GRM5: variants seen among roughly 807,000 people sequenced by gnomAD.
The protein encoded by GRM5 is glutamate metabotropic receptor 5.
In GRM5, 19 loss-of-function variants were observed where a neutral mutation model predicts 83.1. That is an observed-to-expected ratio of 0.23 (90% CI 0.16 to 0.34). The LOEUF is 0.34. Among genes scored for constraint, GRM5 ranks in the 10% least tolerant of loss-of-function variants. GRM5 has a pLI of 1.00. For missense variants in GRM5, 1,160 were observed against 1,588.3 expected, an observed-to-expected ratio of 0.73 and a Z score of 4.58; for synonymous variants, 675 against 633.6, an observed-to-expected ratio of 1.07 and a Z score of -0.98.
chr11:88,508,688 G>A lies in GRM5; in HGVS notation c.3543C>T (p.Asn1181=). 1 of 1,606,670 alleles carries A rather than the reference G, an allele frequency of 6.2e-7. No homozygotes were observed. The highest frequency in any genetic ancestry group is 8.5e-7 in the Non-Finnish European group (1 of 1,176,704). ...AGAGGGCCGACTCGGACACTGGCGA[G>A]TTGGGGGTTGTGCTCCCCGAGTCCA... ...DSVDSGSTTP[N]SPVSESALCI... Residue 1181 remains asparagine, a synonymous_variant, in exon 10 of 10, where the codon AAC becomes AAT. Coordinates refer to ENST00000305447, the MANE Select transcript of GRM5 (RefSeq NM_001143831.3). This position sits in a 1 kb window ranked among gnomAD's most constrained non-coding sequence, Gnocchi z 4.2.
intron 3 of GRM5, among the ~76,000 whole-genome samples, chr11:88,711,973 C>T (rs1041445845): frequency 3.9e-5 from 6 of 152,024 alleles, no homozygotes; most frequent in African/African-American, 1.4e-4. Flanking sequence ...CATTATGTCT[C>T]GTTCATTTTG....
rs201909095 is a variant in GRM5, at chr11:88,508,549, G to C, written c.*43C>G. On this transcript the variant is annotated 3_prime_UTR_variant, in exon 10 of 10. Transcript: ENST00000305447. This position sits in a 1 kb window ranked among gnomAD's most constrained non-coding sequence, Gnocchi z 4.2. ...CATTGTGTGTGTGTGAACACGGGGG[G>C]CTCCGCTCCGCACGCGCAGGCCGGC... is the stretch of plus-strand genomic sequence containing the variant. The C allele has an allele frequency of 1.1e-5, 17 of 1,518,768 alleles. No homozygotes were observed. The highest frequency in any genetic ancestry group is 1.5e-5 in the Non-Finnish European group (16 of 1,101,172). 94.1% of individuals were successfully genotyped at this position (1,518,768 alleles called of 1,614,324 possible).
At chr11:88,988,203 C>T (rs7114534) in intron 2 of GRM5, among the ~76,000 whole-genome samples, 12,553 of 151,864 alleles carry the variant, frequency 0.083, 1,681 homozygotes, top group African/African-American at 0.28. Context: ...TCGAGAACTA[C>T]GCGAAGAATG....
intron 2 of GRM5, among the ~76,000 whole-genome samples, chr11:88,929,427 A>G (rs1937636337): frequency 6.6e-6 from 1 of 152,116 alleles, no homozygotes; most frequent in African/African-American, 2.4e-5. Context: ...TTTAATTGGG[A>G]AATTTAGTTT....
chr11:88,900,082 T>C (rs1428780246), intron 2 of GRM5, among the ~76,000 whole-genome samples: 1 of 152,140 alleles, frequency 6.6e-6, no homozygotes. Flanking sequence ...CTGGTAATTA[T>C]TTATGGGTAC....
intron 3 of GRM5, among the ~76,000 whole-genome samples, chr11:88,737,732 C>T (rs1941948666): frequency 6.6e-6 from 1 of 152,028 alleles, no homozygotes; most frequent in Non-Finnish European, 1.5e-5. Flanking sequence ...TAAGCAGGCT[C>T]ATCTTGGCCA....
At chr11:88,993,603 G>C (rs923324363) in intron 2 of GRM5, among the ~76,000 whole-genome samples, 2 of 152,118 alleles carry the variant, frequency 1.3e-5, no homozygotes, top group African/African-American at 4.8e-5. Flanking sequence ...AAGACAAACT[G>C]TTTCTGTGTA....
intron 6 of GRM5, among the ~76,000 whole-genome samples, chr11:88,592,340 T>C (rs960212715): frequency 3.3e-5 from 5 of 152,212 alleles, no homozygotes; most frequent in African/African-American, 1.2e-4. Context: ...ATGTTACCTA[T>C]TTCATTAATA....
intron 2 of GRM5, chr11:89,008,910 C>A: frequency 2.0e-6 from 1 of 512,452 alleles, no homozygotes; most frequent in Non-Finnish European, 3.6e-6. Flanking sequence ...TCTGTTATTC[C>A]TTTAGTTTGT....
chr11:89,017,175 A>G (rs1404268980), intron 2 of GRM5, among the ~76,000 whole-genome samples: 1 of 152,198 alleles, frequency 6.6e-6, no homozygotes, highest in Non-Finnish European at 1.5e-5. Flanking sequence ...GAAATTCATC[A>G]GTGCATCCTT....
At chr11:88,965,587 C>A (rs991366744) in intron 2 of GRM5, among the ~76,000 whole-genome samples, 2 of 151,962 alleles carry the variant, frequency 1.3e-5, no homozygotes, top group African/African-American at 2.4e-5. Flanking sequence ...ACACACAAAC[C>A]AAACAAAGGA....
chr11:88,585,396 A>G (rs1943292326), intron 7 of GRM5, among the ~76,000 whole-genome samples: 1 of 152,268 alleles, frequency 6.6e-6, no homozygotes, highest in Non-Finnish European at 1.5e-5. Context: ...AGTGCTAGAT[A>G]CACATTTATT....
At chr11:88,998,675 T>C (rs1591034908) in intron 2 of GRM5, among the ~76,000 whole-genome samples, 1 of 152,294 alleles carries the variant, frequency 6.6e-6, no homozygotes, top group Non-Finnish European at 1.5e-5. Context: ...GCAGTCTAAA[T>C]AGATAATCCC....
At chr11:88,525,752 T>C (rs1179566632) in intron 8 of GRM5, among the ~76,000 whole-genome samples, 1 of 152,254 alleles carries the variant, frequency 6.6e-6, no homozygotes, top group Non-Finnish European at 1.5e-5. Context: ...ATCTATTCAG[T>C]GCTTACCATG....
chr11:88,769,753 TA>T (rs1942693450), intron 3 of GRM5, among the ~76,000 whole-genome samples: 1 of 152,088 alleles, frequency 6.6e-6, no homozygotes, highest in South Asian at 2.1e-4. Flanking sequence ...CTGATGTGAA[TA>T]AAAAATCGAA....
chr11:88,976,607 G>T (rs1939345311), intron 2 of GRM5, among the ~76,000 whole-genome samples: 1 of 151,992 alleles, frequency 6.6e-6, no homozygotes, highest in Non-Finnish European at 1.5e-5. Context: ...TAATAGATTT[G>T]AGGAGGAGGT....
chr11:88,533,077 T>A (rs1028085276), intron 8 of GRM5, among the ~76,000 whole-genome samples: 1 of 152,208 alleles, frequency 6.6e-6, no homozygotes, highest in Non-Finnish European at 1.5e-5. Context: ...CAGAATATCC[T>A]GTCAAAATAG....
chr11:88,515,953 T>A (rs1057492893), intron 9 of GRM5, among the ~76,000 whole-genome samples: 6 of 152,216 alleles, frequency 3.9e-5, no homozygotes, highest in Non-Finnish European at 8.8e-5. Context: ...AATAGAACTT[T>A]TCAGCTCACA....
At chr11:89,028,645 A>G (rs1291750949) in intron 2 of GRM5, among the ~76,000 whole-genome samples, 1 of 152,216 alleles carries the variant, frequency 6.6e-6, no homozygotes, top group Non-Finnish European at 1.5e-5. Flanking sequence ...ATTTTTAGCC[A>G]TATATCACAT....
Sources: allele counts gnomAD v4.1 joint callset (sites outside exome capture counted in the v4.1 genomes callset), GRCh38; gene constraint gnomAD v4.1.1; non-coding constraint Gnocchi (gnomAD v3.1); transcripts MANE v1.5; gene names NCBI Gene and HGNC (gene_info 2026-07-23, HGNC 2026-07-21).